RAB27B: variants seen among roughly 807,000 people sequenced by gnomAD.
The protein encoded by RAB27B is RAB27B, member RAS oncogene family.
Under a neutral mutation model 24.6 loss-of-function variants are expected in RAB27B, and 15 were observed. The ratio of observed to expected loss-of-function variants is 0.61; its 90% confidence interval spans 0.41 to 0.94. The LOEUF (loss-of-function observed/expected upper bound fraction) is 0.94, where lower values mean the gene tolerates loss of function less well. Among genes scored for constraint, RAB27B ranks in the 40% least tolerant of loss-of-function variants. The pLI, the probability that RAB27B is intolerant of heterozygous loss-of-function variation, is 0.00. For missense variants in RAB27B, 261 were observed against 266.8 expected, an observed-to-expected ratio of 0.98 and a Z score of 0.15; for synonymous variants, 105 against 92.5, an observed-to-expected ratio of 1.14 and a Z score of -0.78.
At chr18:54,748,118 A>G (rs930084379) in intron 2 of RAB27B, among the ~76,000 whole-genome samples, 2 of 152,064 alleles carry the variant, frequency 1.3e-5, no homozygotes, top group South Asian at 4.2e-4. Context: ...AAAACAAAAA[A>G]CTAAACAAAA....
chr18:54,719,945 A>G (rs933249579), intron 2 of RAB27B, among the ~76,000 whole-genome samples: 5 of 152,074 alleles, frequency 3.3e-5, no homozygotes, highest in Non-Finnish European at 7.4e-5. Context: ...ACTTCATTTT[A>G]TGTTAAGTAT....
In RAB27B at chr18:54,804,904, C is replaced by CTCTCTCTT. The variant is rs1555658012; in HGVS notation, c.-19-72660_-19-72659insCTCTTTCT. 2.7e-3 allele frequency among the ~76,000 whole-genome samples: 131 copies of CTCTCTCTT among 48,010 alleles called. 3 individuals are homozygous for CTCTCTCTT. Among genetic ancestry groups the CTCTCTCTT allele is most frequent in the African/African-American group, 6.0e-3 (119 of 19,912 alleles). 31.5% of individuals were successfully genotyped at this position (48,010 alleles called of 152,430 possible). On this transcript the variant is annotated intron_variant, in intron 2 of 4. Coordinates refer to the RAB27B transcript ENST00000586570. ...TCTTTCTTTCTTTCTCTTTCTCTCT[C>CTCTCTCTT]TCTTTCTTTCTTTCTTTCTTTCTTT...
intron 2 of RAB27B, among the ~76,000 whole-genome samples, chr18:54,733,329 T>C (rs1160904880): frequency 1.3e-5 from 2 of 152,196 alleles, no homozygotes; most frequent in Non-Finnish European, 2.9e-5. Flanking sequence ...ATTACAGGCA[T>C]GAGCCACCAT....
At chr18:54,777,053 TTAAAA>T (rs760609035) in intron 2 of RAB27B, among the ~76,000 whole-genome samples, 6 of 151,298 alleles carry the variant, frequency 4.0e-5, no homozygotes, top group East Asian at 1.9e-4. Context: ...CAAAAAAAAA[TTAAAA>T]TAATAAATAA....
At chr18:54,787,030 A>C (rs1177555160) in intron 2 of RAB27B, among the ~76,000 whole-genome samples, 1 of 152,220 alleles carries the variant, frequency 6.6e-6, no homozygotes, top group Non-Finnish European at 1.5e-5. Context: ...AGGCAATTTA[A>C]CAGTTCAAGA....
At chr18:54,805,533 T>C (rs1378547257) in intron 2 of RAB27B, among the ~76,000 whole-genome samples, 1 of 152,210 alleles carries the variant, frequency 6.6e-6, no homozygotes, top group Non-Finnish European at 1.5e-5. Context: ...ATTTTCTCTA[T>C]ATACTTAGAG....
At chr18:54,768,081 A>G (rs185344266) in intron 2 of RAB27B, among the ~76,000 whole-genome samples, 15 of 152,288 alleles carry the variant, frequency 9.8e-5, no homozygotes, top group East Asian at 3.9e-4. Context: ...GAGGAGAGAC[A>G]AGGAAGATGT....
At chr18:54,836,029 G>A (rs997797640) in intron 1 of RAB27B, among the ~76,000 whole-genome samples, 2 of 151,954 alleles carry the variant, frequency 1.3e-5, no homozygotes, top group Non-Finnish European at 2.9e-5. Context: ...TTAGATAAAG[G>A]TGAGGAGGAG....
intron 2 of RAB27B, among the ~76,000 whole-genome samples, chr18:54,773,693 T>G (rs1286568031): frequency 6.6e-6 from 1 of 151,874 alleles, no homozygotes; most frequent in African/African-American, 2.4e-5. Flanking sequence ...TTTTTTCTTT[T>G]GAGACAGAGT....
chr18:54,887,728 G>T (rs752876425), intron 4 of RAB27B, among the ~76,000 whole-genome samples: 5 of 152,022 alleles, frequency 3.3e-5, no homozygotes, highest in Non-Finnish European at 7.4e-5. Flanking sequence ...AATAATAAAA[G>T]CACCTAACAT....
At chr18:54,726,710 A>G (rs1003101509) in intron 2 of RAB27B, among the ~76,000 whole-genome samples, 1 of 151,654 alleles carries the variant, frequency 6.6e-6, no homozygotes, top group Non-Finnish European at 1.5e-5. Flanking sequence ...ATTATGATTT[A>G]TATGATTTTC....
chr18:54,780,636 C>T (rs1908886008), intron 2 of RAB27B, among the ~76,000 whole-genome samples: 1 of 152,222 alleles, frequency 6.6e-6, no homozygotes, highest in Admixed American at 6.5e-5. Context: ...AGCCAACCCA[C>T]ATGACCTCAT....
chr18:54,735,013 T>C (rs748895756), intron 2 of RAB27B, among the ~76,000 whole-genome samples: 7 of 152,198 alleles, frequency 4.6e-5, no homozygotes, highest in Non-Finnish European at 1.0e-4. Flanking sequence ...TGTGAGAAAT[T>C]ATGTGTATCT....
intron 2 of RAB27B, among the ~76,000 whole-genome samples, chr18:54,782,047 G>A (rs540875654): frequency 5.1e-4 from 78 of 152,292 alleles, no homozygotes; most frequent in Non-Finnish European, 9.0e-4. Flanking sequence ...GAAGTATAAA[G>A]AGTAAGGTTT....
At chr18:54,887,267 C>A (rs1428901446) in intron 4 of RAB27B, among the ~76,000 whole-genome samples, 1 of 151,590 alleles carries the variant, frequency 6.6e-6, no homozygotes, top group African/African-American at 2.4e-5. Flanking sequence ...CAAATTTACC[C>A]ACTTAAAAAT....
chr18:54,801,127 C>T (rs1909596933), intron 2 of RAB27B, among the ~76,000 whole-genome samples: 1 of 150,708 alleles, frequency 6.6e-6, no homozygotes, highest in South Asian at 2.1e-4. Context: ...ATTCTCCTGC[C>T]TCAGATTCCC....
intron 1 of RAB27B, among the ~76,000 whole-genome samples, chr18:54,872,050 G>T (rs1240951957): frequency 6.6e-6 from 1 of 151,984 alleles, no homozygotes; most frequent in Non-Finnish European, 1.5e-5. Context: ...CCCCACTGGC[G>T]AGCAAGGAGT....
chr18:54,786,076 T>A (rs1909075018), intron 2 of RAB27B, among the ~76,000 whole-genome samples: 1 of 152,148 alleles, frequency 6.6e-6, no homozygotes, highest in Non-Finnish European at 1.5e-5. Context: ...TTCTTCTTCT[T>A]GATTTTCTAT....
At chr18:54,856,744 C>A (rs900084505) in intron 1 of RAB27B, among the ~76,000 whole-genome samples, 2 of 152,212 alleles carry the variant, frequency 1.3e-5, no homozygotes, top group Non-Finnish European at 2.9e-5. Context: ...TAGGATGTTT[C>A]ATGTAATCTT....
Sources: gnomAD v4.1 joint callset for allele counts (sites outside exome capture counted in the v4.1 genomes callset) on GRCh38, gnomAD v4.1.1 for gene constraint, MANE v1.5 for transcripts, NCBI Gene and HGNC (gene_info 2026-07-23, HGNC 2026-07-21) for gene names.